DSCAM: variants seen among roughly 807,000 people sequenced by gnomAD.
DSCAM encodes the protein cell adhesion molecule DSCAM.
Under a neutral mutation model 217.7 loss-of-function variants are expected in DSCAM, and 47 were observed. The ratio of observed to expected loss-of-function variants is 0.22; its 90% CI spans 0.17 to 0.28. The LOEUF (loss-of-function observed/expected upper bound fraction) is 0.28. Ranked by LOEUF, DSCAM falls within the 10% of genes least tolerant of loss-of-function variation. The pLI is 1.00. For synonymous variants in DSCAM, 1,056 were observed against 1,015.3 expected (o/e 1.04, Z -0.76); for missense variants, 2,080 against 2,618.3 (o/e 0.79, Z 4.49).
intron 4 of DSCAM, among the ~76,000 whole-genome samples, chr21:40,358,174 A>G (rs969020013): frequency 1.3e-5 from 2 of 152,206 alleles, no homozygotes; most frequent in Non-Finnish European, 2.9e-5. Context: ...TTCATAAAAA[A>G]TCAACTCTCA....
chr21:40,724,194 A>G (rs1046415916), intron 1 of DSCAM, among the ~76,000 whole-genome samples: 1 of 152,224 alleles, frequency 6.6e-6, no homozygotes, highest in African/African-American at 2.4e-5. Flanking sequence ...TTTTAAGCTC[A>G]AAGGTTTCAA....
intron 3 of DSCAM, among the ~76,000 whole-genome samples, chr21:40,674,150 C>G (rs2090309591): frequency 6.6e-6 from 1 of 152,134 alleles, no homozygotes; most frequent in Admixed American, 6.5e-5. Flanking sequence ...TCCATGGACA[C>G]AGTTTGAGAA....
At chr21:40,822,283 C>T (rs1025702034) in intron 1 of DSCAM, among the ~76,000 whole-genome samples, 1 of 127,526 alleles carries the variant, frequency 7.8e-6, no homozygotes, top group Non-Finnish European at 1.6e-5. Flanking sequence ...TGCACCACTG[C>T]ACTCCAGCCT....
chr21:40,106,352 T>A (rs1171829487), intron 20 of DSCAM, among the ~76,000 whole-genome samples: 1 of 152,196 alleles, frequency 6.6e-6, no homozygotes, highest in Non-Finnish European at 1.5e-5. Context: ...AGCTTTTTGA[T>A]GTATTGCTGG....
intron 3 of DSCAM, among the ~76,000 whole-genome samples, chr21:40,438,645 T>C (rs1468284053): frequency 6.6e-6 from 1 of 152,226 alleles, no homozygotes; most frequent in Admixed American, 6.5e-5. Flanking sequence ...AAAGCTACCA[T>C]GTTGGCCCGA....
At chr21:40,152,671 C>T (rs544192829) in intron 16 of DSCAM, among the ~76,000 whole-genome samples, 9 of 152,374 alleles carry the variant, frequency 5.9e-5, no homozygotes, top group East Asian at 3.9e-4. Flanking sequence ...TGTATTTGCA[C>T]GGTGTGCAAG....
chr21:40,582,090 C>G (rs1206265909), intron 3 of DSCAM, among the ~76,000 whole-genome samples: 1 of 151,954 alleles, frequency 6.6e-6, no homozygotes, highest in East Asian at 1.9e-4. Context: ...GTCCTAAAGC[C>G]CAGTATTTAA....
At chr21:40,056,618 G>A (rs2089029439) in intron 28 of DSCAM, among the ~76,000 whole-genome samples, 2 of 152,106 alleles carry the variant, frequency 1.3e-5, no homozygotes, top group South Asian at 4.1e-4. Context: ...CACATTAGAA[G>A]GGTGGTTGTT....
intron 19 of DSCAM, among the ~76,000 whole-genome samples, chr21:40,126,452 C>A (rs548573238): frequency 1.3e-5 from 2 of 151,900 alleles, no homozygotes; most frequent in South Asian, 2.1e-4. Context: ...GCAAACAGAT[C>A]GTTGGTAAAT....
At chr21:40,241,711 G>A (rs991266528) in intron 11 of DSCAM, among the ~76,000 whole-genome samples, 9 of 152,142 alleles carry the variant, frequency 5.9e-5, no homozygotes, top group African/African-American at 2.2e-4. Flanking sequence ...GTTCACTGAA[G>A]CACTATTAAG....
intron 20 of DSCAM, among the ~76,000 whole-genome samples, chr21:40,118,362 G>C (rs576661577): frequency 6.6e-6 from 1 of 152,226 alleles, no homozygotes; most frequent in African/African-American, 2.4e-5. Flanking sequence ...GAGGCAGGCC[G>C]ATCACTTGAG....
chr21:40,512,788 G>A (rs868313020), intron 3 of DSCAM, among the ~76,000 whole-genome samples: 1 of 151,688 alleles, frequency 6.6e-6, no homozygotes, highest in Middle Eastern at 3.4e-3. Context: ...ACCCATTAAC[G>A]GCACAACTGC....
chr21:40,700,735 C>CTTTTTTTT (rs775869471), intron 2 of DSCAM, among the ~76,000 whole-genome samples: 5 of 137,966 alleles, frequency 3.6e-5, no homozygotes, highest in Non-Finnish European at 6.3e-5. Context: ...TTCTTTCTTT[C>CTTTTTTTT]TTTTTTTTTT....
rs534781949 is a variant in DSCAM, at chr21:40,376,419, CTT to C, written c.509-7176_509-7175del. On this transcript the variant is annotated intron_variant, in intron 3 of 32. Coordinates refer to ENST00000400454, the MANE Select transcript of DSCAM (RefSeq NM_001389.5). ...ATATATATATCTATATCATATATAT[CTT>C]ATATAGATATCTATATATCTTATAT... is the stretch of plus-strand genomic sequence containing the variant. Among the ~76,000 whole-genome samples, 128 of 140,434 alleles carry C rather than the reference CTT, an allele frequency of 9.1e-4. 1 individual carries two copies. Among genetic ancestry groups the C allele is most frequent in the African/African-American group, 2.8e-3 (104 of 37,746 alleles). 92.1% of individuals were successfully genotyped at this position (140,434 alleles called of 152,430 possible). A position where few individuals can be genotyped will look rare whatever the true frequency, so the allele number is the denominator to read the frequency against.
intron 3 of DSCAM, among the ~76,000 whole-genome samples, chr21:40,382,310 C>A (rs1188260008): frequency 6.6e-6 from 1 of 152,072 alleles, no homozygotes; most frequent in Non-Finnish European, 1.5e-5. Context: ...TTTGCCTCAT[C>A]CTGACATTCA....
chr21:40,048,449 C>T (rs1443409902), intron 30 of DSCAM, among the ~76,000 whole-genome samples: 1 of 152,170 alleles, frequency 6.6e-6, no homozygotes, highest in Non-Finnish European at 1.5e-5. Flanking sequence ...ATCAGTGCAG[C>T]AGAACCAGCC....
chr21:40,386,043 C>T (rs536587191), intron 3 of DSCAM, among the ~76,000 whole-genome samples: 2 of 152,200 alleles, frequency 1.3e-5, no homozygotes, highest in Non-Finnish European at 2.9e-5. Flanking sequence ...TCACTAGTAC[C>T]GCTGGATCAA....
In DSCAM at chr21:40,386,328, A is replaced by T. The variant is rs183093677; in HGVS notation, c.509-17083T>A. Among the ~76,000 whole-genome samples the T allele has an allele frequency of 9.8e-4, 149 of 152,370 alleles. 1 individual carries two copies. Among genetic ancestry groups the T allele is most frequent in the Non-Finnish European group, 4.6e-4 (31 of 68,036 alleles). ...ACTAAGCTTCTTCCCAGGTTTTCAG[A>T]TTCCGAAGCTTTAGTTGAGGGCAGT... On this transcript the variant is annotated intron_variant, in intron 3 of 32. Transcript: ENST00000400454.
At chr21:40,746,413 T>TA (rs1331477754) in intron 1 of DSCAM, among the ~76,000 whole-genome samples, 2 of 144,804 alleles carry the variant, frequency 1.4e-5, no homozygotes, top group Non-Finnish European at 3.0e-5. Flanking sequence ...TTATATCAGA[T>TA]AAAATAGACT....
Sources: gnomAD v4.1 joint callset for allele counts (sites outside exome capture counted in the v4.1 genomes callset) on GRCh38, gnomAD v4.1.1 for gene constraint, MANE v1.5 for transcripts, NCBI Gene and HGNC (gene_info 2026-07-23, HGNC 2026-07-21) for gene names.